The following GIPC2 variants were observed in gnomAD, a reference collection of about 807,000 sequenced individuals.
GIPC2 encodes the protein PDZ domain-containing protein GIPC2.
A neutral mutation model predicts 30.6 loss-of-function variants in GIPC2; 30 were observed. That is an observed-to-expected ratio of 0.98 (90% CI 0.73 to 1.33). The LOEUF is 1.33. Ranked by LOEUF, GIPC2 falls within the 40% of genes most tolerant of loss-of-function variation. The probability of loss-of-function intolerance (pLI) is 0.00; values close to 1 mark genes in which losing one functional copy is unlikely to be tolerated. For synonymous variants in GIPC2, 167 were observed against 150.0 expected (o/e 1.11, Z -0.83); for missense variants, 414 against 390.3 (o/e 1.06, Z -0.51).
At chr1:78,129,428 T>C (rs1662848619) in intron 5 of GIPC2, among the ~76,000 whole-genome samples, 1 of 152,210 alleles carries the variant, frequency 6.6e-6, no homozygotes. Context: ...TACACTGACA[T>C]CACATTTTTC....
chr1:78,052,598 T>C (rs535238409), intron 1 of GIPC2, among the ~76,000 whole-genome samples: 1 of 152,322 alleles, frequency 6.6e-6, no homozygotes, highest in African/African-American at 2.4e-5. Flanking sequence ...GGAACATCAC[T>C]CATATCTTTA....
intron 1 of GIPC2, among the ~76,000 whole-genome samples, chr1:78,074,793 T>A (rs1250885433): frequency 1.3e-5 from 2 of 152,226 alleles, no homozygotes; most frequent in African/African-American, 4.8e-5. Flanking sequence ...GAGGAGAGAT[T>A]GTCTGAAATT....
At chr1:78,048,326 A>C (rs1321593111) in intron 1 of GIPC2, among the ~76,000 whole-genome samples, 2 of 152,320 alleles carry the variant, frequency 1.3e-5, no homozygotes. Context: ...ACAGAGAGGA[A>C]ACAGACTTTG....
intron 1 of GIPC2, among the ~76,000 whole-genome samples, chr1:78,076,268 C>A (rs942727851): frequency 1.1e-4 from 17 of 152,216 alleles, no homozygotes; most frequent in Non-Finnish European, 2.4e-4. Flanking sequence ...ATGTTGATGT[C>A]TAGCACAATA....
chr1:78,110,295 G>T (rs1379920826), intron 3 of GIPC2, among the ~76,000 whole-genome samples: 1 of 152,158 alleles, frequency 6.6e-6, no homozygotes, highest in East Asian at 1.9e-4. Flanking sequence ...AGCCCAGGTA[G>T]AGCTGTTGAC....
rs927954735 is a variant in GIPC2, at chr1:78,074,395, A to T, written c.241-6280A>T. ...GCATGTGTCAGATAATTATTTTTTT[A>T]TTTTATTTTAAGAGGTGTAGTCTCG... On this transcript the variant is annotated intron_variant, in intron 1 of 5. Coordinates refer to ENST00000370759, the MANE Select transcript of GIPC2 (RefSeq NM_017655.6). Among the ~76,000 whole-genome samples the T allele has an allele frequency of 2.0e-5, 3 of 152,164 alleles. No individual in the cohort carries two copies. In the South Asian group the frequency reaches 6.2e-4, roughly 32 times the overall value.
In GIPC2 at chr1:78,094,958, A is replaced by G. The variant is rs1230628678; in HGVS notation, c.433A>G (p.Lys145Glu). Reference sequence around the variant, plus strand: ...ATCATCAATTTCCTTTCAGAGAATTAAAGATGGTGGTGTTATTGACTCAGT... The same window carrying G: ...ATCATCAATTTCCTTTCAGAGAATTGAAGATGGTGGTGTTATTGACTCAGT... ...GVGYAFIKRIKDGGVIDSVKT... is the reference protein window; with the variant it reads ...GVGYAFIKRIEDGGVIDSVKT... The change falls in exon 3 of 6, where the codon AAA becomes GAA. Residue 145 changes from lysine (K) to glutamate (E), a missense_variant. By Grantham distance (56) the Lys-to-Glu change is moderately conservative (BLOSUM62 1). Transcript: ENST00000370759. 6.3e-7 allele frequency: 1 copy of G among 1,576,986 alleles called. No individual in the cohort carries two copies. The highest frequency in any genetic ancestry group is 8.7e-7 in the Non-Finnish European group (1 of 1,147,026).
intron 2 of GIPC2, among the ~76,000 whole-genome samples, chr1:78,084,559 C>T (rs1661892057): frequency 6.6e-6 from 1 of 151,342 alleles, no homozygotes; most frequent in South Asian, 2.1e-4. Flanking sequence ...TTCTAATTGT[C>T]ATCCTGCCCC....
At position 78,098,389 on chromosome 1, in the gene GIPC2, A is replaced by C. The variant is rs190446536; in HGVS notation, c.607+3257A>C. 2.1e-3 allele frequency among the ~76,000 whole-genome samples: 320 copies of C among 152,266 alleles called. 4 individuals are homozygous for C. Among genetic ancestry groups the C allele is most frequent in the African/African-American group, 6.8e-3 (282 of 41,550 alleles). ...TACTTACCAATTTTGACTATACTTA[A>C]CAATTTTGACTATAATTACCAATTT... On this transcript the variant is annotated intron_variant, in intron 3 of 5. Coordinates refer to ENST00000370759, the MANE Select transcript of GIPC2 (RefSeq NM_017655.6).
At chr1:78,058,457 C>T (rs975714392) in intron 1 of GIPC2, among the ~76,000 whole-genome samples, 5 of 151,844 alleles carry the variant, frequency 3.3e-5, no homozygotes, top group East Asian at 1.9e-4. Flanking sequence ...TCACTCAGAG[C>T]GCTTATTAGG....
chr1:78,068,873 G>A (rs1661567647), intron 1 of GIPC2, among the ~76,000 whole-genome samples: 2 of 152,130 alleles, frequency 1.3e-5, no homozygotes, highest in African/African-American at 4.8e-5. Flanking sequence ...CAGGAGACTG[G>A]TACTCCTCAT....
intron 1 of GIPC2, chr1:78,069,228 T>G (rs570449274): frequency 9.5e-6 from 3 of 315,436 alleles, no homozygotes; most frequent in African/African-American, 4.5e-5. Flanking sequence ...CTGGGCTTAT[T>G]CTATCCCTGG....
At chr1:78,072,959 C>A (rs1321985486) in intron 1 of GIPC2, among the ~76,000 whole-genome samples, 1 of 112,896 alleles carries the variant, frequency 8.9e-6, no homozygotes, top group African/African-American at 2.9e-5. Flanking sequence ...CGCCCACCAC[C>A]ACGCCCAGCT....
chr1:78,074,274 A>G (rs1226825923), intron 1 of GIPC2, among the ~76,000 whole-genome samples: 1 of 152,228 alleles, frequency 6.6e-6, no homozygotes, highest in African/African-American at 2.4e-5. Flanking sequence ...CACTCAGGCT[A>G]GAGTGTAGTA....
intron 1 of GIPC2, among the ~76,000 whole-genome samples, chr1:78,049,065 C>T (rs1661148420): frequency 6.6e-6 from 1 of 152,218 alleles, no homozygotes; most frequent in African/African-American, 2.4e-5. Context: ...AGAAGTAACT[C>T]ACTAAAATGA....
rs1165254290 is a variant in GIPC2, at chr1:78,119,511, T to G, written c.714+12T>G. ...CCGTGGAAGAAATGGTATGTTATGTTCATTTACTTCCTGTTCTGCTTGGAA... is the reference window on the plus strand; with the variant it reads ...CCGTGGAAGAAATGGTATGTTATGTGCATTTACTTCCTGTTCTGCTTGGAA... On this transcript the variant is annotated intron_variant, in intron 4 of 5. Coordinates refer to ENST00000370759, the MANE Select transcript of GIPC2 (RefSeq NM_017655.6). 1 of 1,441,310 alleles carries G rather than the reference T, an allele frequency of 6.9e-7. No individual in the cohort carries two copies. Among genetic ancestry groups the G allele is most frequent in the African/African-American group, 1.4e-5 (1 of 71,708 alleles). The allele number at this position is 1,441,310 out of a possible 1,614,324, so 89.3% of individuals were successfully genotyped here. A position where few individuals can be genotyped will look rare whatever the true frequency, so the allele number is the denominator to read the frequency against.
chr1:78,127,955 A>G (rs1267803096), intron 5 of GIPC2, among the ~76,000 whole-genome samples: 1 of 152,098 alleles, frequency 6.6e-6, no homozygotes, highest in Non-Finnish European at 1.5e-5. Flanking sequence ...GTCAAAGTGC[A>G]GGGAGAGATT....
intron 1 of GIPC2, among the ~76,000 whole-genome samples, chr1:78,047,532 T>C (rs1661117953): frequency 6.6e-6 from 1 of 152,124 alleles, no homozygotes; most frequent in Non-Finnish European, 1.5e-5. Context: ...GATTTTTTTT[T>C]TTTCAAAAAA....
chr1:78,081,570 G>A (rs1195862092), intron 2 of GIPC2, among the ~76,000 whole-genome samples: 2 of 152,074 alleles, frequency 1.3e-5, no homozygotes, highest in Non-Finnish European at 2.9e-5. Flanking sequence ...GTGTGTCCTG[G>A]AACCAATCCC....
Sources: allele counts gnomAD v4.1 joint callset (sites outside exome capture counted in the v4.1 genomes callset), GRCh38; gene constraint gnomAD v4.1.1; transcripts MANE v1.5; gene names NCBI Gene and HGNC (gene_info 2026-07-23, HGNC 2026-07-21).